Variants in NCOR2 observed in about 807,000 individuals in gnomAD.
The protein encoded by NCOR2 is CTG repeat protein 26.
A neutral mutation model predicts 262.9 loss-of-function variants in NCOR2; 81 were observed. That is an observed-to-expected ratio of 0.31 (90% CI 0.26 to 0.37). The LOEUF (loss-of-function observed/expected upper bound fraction) is 0.37. Ranked by LOEUF, NCOR2 falls within the 10% of genes least tolerant of loss-of-function variation. NCOR2 has a pLI of 1.00. For missense variants in NCOR2, 3,385 were observed against 3,621.4 expected (o/e 0.93, Z 1.68); for synonymous variants, 1,659 against 1,559.3 (o/e 1.06, Z -1.51).
Position 124,481,629 on chromosome 12 carries a change from T to G in NCOR2, c.411+1967A>C, listed in dbSNP as rs539656568. ...GTGTTTGAGGAACTCCAGGGTGGCC[T>G]GGGAGGCTGTACGTGAGCGGTTGAG... On this transcript the variant is annotated intron_variant, in intron 3 of 46. Coordinates refer to ENST00000405201, the Ensembl canonical transcript of NCOR2. This position sits in a 1 kb window ranked among gnomAD's most constrained non-coding sequence, Gnocchi z 4.6. 6.6e-6 allele frequency among the ~76,000 whole-genome samples: 1 copy of G among 152,222 alleles called. No homozygotes were observed. Among genetic ancestry groups the G allele is most frequent in the East Asian group, 1.9e-4 (1 of 5,178 alleles).
chr12:124,346,432 C>T, intron 31 of NCOR2, 132 bp downstream of exon 33: 1 of 1,012,484 alleles, frequency 9.9e-7, no homozygotes, highest in Non-Finnish European at 1.3e-6. Flanking sequence ...CGGTGATGAG[C>T]AGCTGGGTGA....
chr12:124,495,149 T>A lies in NCOR2; in HGVS notation c.103A>T (p.Thr35Ser), dbSNP rs2048319103. ...CGCACACATGTGCACCCCCTTACCG[T>A]GTGCGTCCGGGCGATCTGCACTGGG... Residue 35 changes from threonine to serine, a missense_variant and splice_region_variant, in exon 1 of 47, where the codon ACG becomes TCG. Around this residue, in one of 5 missense-constraint regions of NCOR2, gnomAD observed 237 missense variants for 229.4 expected, o/e 1.03. Transcript: ENST00000405201. This position sits in a 1 kb window ranked among gnomAD's most constrained non-coding sequence, Gnocchi z 4.4. 1 of 1,613,798 alleles carries A rather than the reference T, an allele frequency of 6.2e-7. No homozygotes were observed. The highest frequency in any genetic ancestry group is 1.3e-5 in the African/African-American group (1 of 75,002).
At chr12:124,556,161 AG>A (rs1170621773) in intron 1 of NCOR2, 8 of 152,354 alleles carry the variant, frequency 5.3e-5, no homozygotes, top group African/African-American at 1.9e-4. Flanking sequence ...AGTGCTAGCA[AG>A]GGGTGGTCAC....
In NCOR2 at chr12:124,334,218, G is replaced by A. The variant is rs377205505; in HGVS notation, c.6605+206C>T. ...TACACGTGAGTGCCTGGAACCCACT[G>A]AGCACAGCATGTACTTTCATCAGCT... On this transcript the variant is annotated intron_variant, in intron 41 of 46. Transcript: ENST00000405201. 9.9e-4 allele frequency: 498 copies of A among 500,980 alleles called. 2 individuals carry two copies. The highest frequency in any genetic ancestry group is 6.0e-3 in the African/African-American group (295 of 49,068). The allele number at this position is 500,980 out of a possible 1,614,324, so 31.0% of individuals were successfully genotyped here.
rs1403301972 is a variant in NCOR2, at chr12:124,503,992, C to T, written c.-117-8624G>A. Among the ~76,000 whole-genome samples the T allele has an allele frequency of 1.3e-5, 2 of 152,172 alleles. No individual in the cohort carries two copies. Among genetic ancestry groups the T allele is most frequent in the African/African-American group, 4.8e-5 (2 of 41,436 alleles). On this transcript the variant is annotated intron_variant, in intron 1 of 46. Coordinates refer to the NCOR2 transcript ENST00000404621. The surrounding 1 kb of genome is among the most constrained non-coding windows in gnomAD (Gnocchi z 4.3). ...ACCCCCAAACCCATATAACTGCTCC[C>T]CAAGTCCCAGCCTGCTGAGTAAGAA...
chr12:124,462,951 G>A (rs1299917519), intron 5 of NCOR2, among the ~76,000 whole-genome samples: 1 of 152,126 alleles, frequency 6.6e-6, no homozygotes, highest in East Asian at 1.9e-4. Context: ...TGGGGTTGCC[G>A]CTTCCATCAA....
intron 14 of NCOR2, among the ~76,000 whole-genome samples, chr12:124,401,689 CTG>C (rs1415814523): frequency 1.3e-5 from 2 of 152,240 alleles, no homozygotes. Context: ...GCAGAAGTGA[CTG>C]GGGAGAGTTT....
At chr12:124,354,978 G>T (rs773551926) in intron 24 of NCOR2, 39 bp from the exon 27 acceptor site, 5 of 1,568,564 alleles carry the variant, frequency 3.2e-6, no homozygotes, top group Admixed American at 1.7e-5. Flanking sequence ...GGGCACCCTG[G>T]TCCCTCCCCC....
intron 43 of NCOR2, chr12:124,331,926 G>T (rs1042722227): frequency 3.0e-4 from 66 of 221,154 alleles, no homozygotes; most frequent in Admixed American, 4.5e-4. Context: ...CTGTGCTAGG[G>T]ACTGGGAAGC....
chr12:124,379,198 G>A (rs576658222), intron 17 of NCOR2, among the ~76,000 whole-genome samples: 21 of 152,230 alleles, frequency 1.4e-4, no homozygotes, highest in African/African-American at 4.1e-4. Context: ...GGAACATGCC[G>A]GGTGTGTCCA....
intron 1 of NCOR2, among the ~76,000 whole-genome samples, chr12:124,543,616 G>A (rs1230478144): frequency 6.6e-6 from 1 of 152,208 alleles, no homozygotes; most frequent in East Asian, 1.9e-4. Context: ...GCGGGGTGTG[G>A]GGCCGCCATC....
At chr12:124,502,763 G>A (rs1296171897) in intron 1 of NCOR2, among the ~76,000 whole-genome samples, 1 of 152,196 alleles carries the variant, frequency 6.6e-6, no homozygotes, top group Admixed American at 6.5e-5. Context: ...TCTGCCTCTG[G>A]CGTCTCTGTG....
chr12:124,519,815 C>T (rs1164693510), intron 1 of NCOR2, among the ~76,000 whole-genome samples: 2 of 152,186 alleles, frequency 1.3e-5, no homozygotes, highest in African/African-American at 2.4e-5. Flanking sequence ...CACACCACCG[C>T]GGCATAGGCA....
intron 16 of NCOR2, among the ~76,000 whole-genome samples, chr12:124,395,797 C>T (rs1409814680): frequency 6.6e-6 from 1 of 152,044 alleles, no homozygotes; most frequent in Non-Finnish European, 1.5e-5. Context: ...TTGGGGATGT[C>T]CACGCGGAGT....
intron 1 of NCOR2, among the ~76,000 whole-genome samples, chr12:124,558,047 G>A (rs1170709362): frequency 6.6e-6 from 1 of 152,146 alleles, no homozygotes; most frequent in Non-Finnish European, 1.5e-5. Context: ...TTCAGGAGCA[G>A]GGCTGGCACC....
chr12:124,513,954 GGACAGGCTGAGGCCCCGTGGAA>G (rs1175062693), intron 1 of NCOR2: 1 of 152,228 alleles, frequency 6.6e-6, no homozygotes, highest in Non-Finnish European at 1.5e-5. Context: ...TATGGGGAGG[GGACAGGCTGAGGCCCCGTGGAA>G]GACACTGAGT....
At chr12:124,444,991 G>A (rs1393405527) in intron 7 of NCOR2, among the ~76,000 whole-genome samples, 2 of 152,162 alleles carry the variant, frequency 1.3e-5, no homozygotes, top group Non-Finnish European at 2.9e-5. Flanking sequence ...CCTGGGTTCT[G>A]ACTGATCCCC....
chr12:124,451,247 C>T (rs3782275), intron 6 of NCOR2, among the ~76,000 whole-genome samples: 8 of 152,372 alleles, frequency 5.3e-5, no homozygotes, highest in East Asian at 1.9e-4. Flanking sequence ...TCGCTGGCCA[C>T]GGAGGTGCAA....
chr12:124,490,633 C>A (rs1329976837), intron 1 of NCOR2, among the ~76,000 whole-genome samples: 1 of 152,190 alleles, frequency 6.6e-6, no homozygotes. Flanking sequence ...GAGACCCCCC[C>A]CAGGGCACTC....
Sources: gnomAD v4.1 joint callset for allele counts (sites outside exome capture counted in the v4.1 genomes callset) on GRCh38, gnomAD v4.1.1 for gene constraint, gnomAD v4.1.1 regional missense constraint, Gnocchi (gnomAD v3.1) non-coding constraint, MANE v1.5 for transcripts, NCBI Gene and HGNC (gene_info 2026-07-23, HGNC 2026-07-21) for gene names.